ANO6: variants seen among roughly 807,000 people sequenced by gnomAD.
ANO6 encodes the protein anoctamin 6, also known as anoctamin-6.
Under a neutral mutation model 117.5 loss-of-function variants are expected in ANO6, and 106 were observed. The observed-to-expected ratio is 0.90, with a 90% CI of 0.77 to 1.06. ANO6 has a LOEUF of 1.06. ANO6 is among the 50% of genes least tolerant of loss of function. The pLI is 0.00. For synonymous variants in ANO6, 367 were observed against 385.1 expected (o/e 0.95, Z 0.55); for missense variants, 955 against 1,121.1 (o/e 0.85, Z 2.12).
intron 12 of ANO6, among the ~76,000 whole-genome samples, chr12:45,392,347 G>A (rs1263588239): frequency 6.6e-6 from 1 of 152,214 alleles, no homozygotes; most frequent in Non-Finnish European, 1.5e-5. Context: ...AAGCGGCCAG[G>A]AAGCTCAAAC....
At chr12:45,267,085 A>G (rs1194633765) in intron 1 of ANO6, among the ~76,000 whole-genome samples, 3 of 151,976 alleles carry the variant, frequency 2.0e-5, no homozygotes, top group African/African-American at 7.3e-5. Flanking sequence ...TCATCCATCT[A>G]TTTATCTGTT....
chr12:45,254,657 C>T (rs73293366), intron 1 of ANO6, among the ~76,000 whole-genome samples: 2,197 of 152,296 alleles, frequency 0.014, 40 homozygotes, highest in African/African-American at 0.048. Context: ...ATGTTTATCA[C>T]ACTTTGGAGT....
chr12:45,286,319 A>G (rs775872813), intron 1 of ANO6, among the ~76,000 whole-genome samples: 6 of 152,214 alleles, frequency 3.9e-5, no homozygotes, highest in Non-Finnish European at 8.8e-5. Flanking sequence ...TCTTAACCGT[A>G]AAGGCATTCA....
intron 1 of ANO6, among the ~76,000 whole-genome samples, chr12:45,244,876 G>T (rs1315068299): frequency 1.3e-5 from 2 of 152,130 alleles, no homozygotes; most frequent in Non-Finnish European, 2.9e-5. Context: ...GGAATCTTTG[G>T]TCATAGCAGG....
At chr12:45,262,174 A>G (rs1295400605) in intron 1 of ANO6, among the ~76,000 whole-genome samples, 1 of 152,168 alleles carries the variant, frequency 6.6e-6, no homozygotes, top group Admixed American at 6.5e-5. Flanking sequence ...ATAAACCACC[A>G]TGAATATTTT....
At chr12:45,301,630 A>G (rs948284508) in intron 1 of ANO6, among the ~76,000 whole-genome samples, 77 of 151,804 alleles carry the variant, frequency 5.1e-4, no homozygotes, top group African/African-American at 1.6e-3. Context: ...AAAAAAAAAA[A>G]AAGAAAAAGA....
chr12:45,216,962 T>A (rs1012884524), intron 1 of ANO6, among the ~76,000 whole-genome samples: 24 of 152,200 alleles, frequency 1.6e-4, no homozygotes, highest in African/African-American at 5.5e-4. Flanking sequence ...CCACCGGAGC[T>A]GTGATCGGAG....
chr12:45,397,160 A>G (rs1942639297), intron 12 of ANO6, among the ~76,000 whole-genome samples: 2 of 152,334 alleles, frequency 1.3e-5, no homozygotes, highest in African/African-American at 4.8e-5. Flanking sequence ...AAACAACCCC[A>G]TCAAAAAGTG....
chr12:45,335,574 C>G (rs1940800790), intron 3 of ANO6: 2 of 151,928 alleles, frequency 1.3e-5, no homozygotes, highest in African/African-American at 4.8e-5. Context: ...ACTTGACGTT[C>G]AAAAGAAATG....
chr12:45,292,644 G>T, intron 1 of ANO6: 3 of 1,170,948 alleles, frequency 2.6e-6, no homozygotes, highest in East Asian at 4.6e-5. Flanking sequence ...TCCAAAGGAC[G>T]CATGTTTAAC....
intron 15 of ANO6, among the ~76,000 whole-genome samples, chr12:45,405,266 G>T (rs1276322558): frequency 6.6e-6 from 1 of 152,020 alleles, no homozygotes; most frequent in Admixed American, 6.6e-5. Context: ...AGATTAAAAA[G>T]GGTTTTCTGA....
chr12:45,273,315 TTGTC>T (rs1272607677), intron 1 of ANO6, among the ~76,000 whole-genome samples: 2 of 152,164 alleles, frequency 1.3e-5, no homozygotes, highest in Non-Finnish European at 2.9e-5. Context: ...TATTCAATCT[TTGTC>T]AATTAAATAT....
At chr12:45,279,290 A>C (rs1413991385) in intron 1 of ANO6, among the ~76,000 whole-genome samples, 1 of 152,084 alleles carries the variant, frequency 6.6e-6, no homozygotes, top group East Asian at 1.9e-4. Flanking sequence ...ATTTAAATGA[A>C]ATTGCTTCGA....
chr12:45,246,998 C>G (rs1947835732), intron 1 of ANO6, among the ~76,000 whole-genome samples: 1 of 152,002 alleles, frequency 6.6e-6, no homozygotes, highest in African/African-American at 2.4e-5. Flanking sequence ...GTGGCGTGAT[C>G]TCGGCTCACT....
intron 3 of ANO6, among the ~76,000 whole-genome samples, chr12:45,344,996 C>T (rs2137438567): frequency 6.6e-6 from 1 of 152,222 alleles, no homozygotes; most frequent in South Asian, 2.1e-4. Context: ...AGCTATACCT[C>T]AAACTCTCCT....
chr12:45,392,028 G>A (rs185876598), intron 12 of ANO6, among the ~76,000 whole-genome samples: 8 of 152,346 alleles, frequency 5.3e-5, no homozygotes, highest in East Asian at 3.9e-4. Flanking sequence ...CACAGAGGGC[G>A]AGCTGAAGCA....
intron 1 of ANO6, among the ~76,000 whole-genome samples, chr12:45,295,172 T>G (rs1939246223): frequency 6.6e-6 from 1 of 152,232 alleles, no homozygotes; most frequent in Admixed American, 6.5e-5. Flanking sequence ...GCTTTTGGCT[T>G]TGTATTTTAT....
chr12:45,331,244 G>A lies in ANO6; in HGVS notation c.151-51G>A, dbSNP rs772699401. On this transcript the variant is annotated intron_variant, in intron 2 of 19. Transcript: ENST00000320560. ...CTTGAAAATTAACACTTATAAGTCA[G>A]CATTTTTTCAAAAAATTATATATTA... is the stretch of plus-strand genomic sequence containing the variant. 6.0e-6 allele frequency: 9 copies of A among 1,499,668 alleles called. No homozygotes were observed. The South Asian group carries it at 9.6e-5, about 16-fold the overall frequency. The allele number at this position is 1,499,668 out of a possible 1,614,324, so 92.9% of individuals were successfully genotyped here. A position where few individuals can be genotyped will look rare whatever the true frequency, so the allele number is the denominator to read the frequency against.
At chr12:45,323,835 C>G (rs548806931) in intron 2 of ANO6, among the ~76,000 whole-genome samples, 2 of 121,084 alleles carry the variant, frequency 1.7e-5, no homozygotes, top group South Asian at 3.3e-4. Flanking sequence ...TTCAATATAT[C>G]CTCTTTTAAG....
Sources: gnomAD v4.1 joint callset for allele counts (sites outside exome capture counted in the v4.1 genomes callset) on GRCh38, gnomAD v4.1.1 for gene constraint, MANE v1.5 for transcripts, NCBI Gene and HGNC (gene_info 2026-07-23, HGNC 2026-07-21) for gene names.